The following PDE4B variants were observed in gnomAD, a reference collection of about 807,000 sequenced individuals.
The protein encoded by PDE4B is 3',5'-cyclic-AMP phosphodiesterase 4B.
In PDE4B, 20 loss-of-function variants were observed where a neutral mutation model predicts 82.2. The ratio of observed to expected loss-of-function variants is 0.24; its 90% CI spans 0.17 to 0.35. PDE4B has a LOEUF of 0.35. Among genes scored for constraint, PDE4B ranks in the 10% least tolerant of loss-of-function variants. PDE4B has a pLI of 1.00. For missense variants in PDE4B, 655 were observed against 907.2 expected (o/e 0.72, Z 3.57); for synonymous variants, 320 against 318.9 (o/e 1.00, Z -0.04).
chr1:66,186,326 T>G (rs1016470825), intron 3 of PDE4B, among the ~76,000 whole-genome samples: 1 of 152,202 alleles, frequency 6.6e-6, no homozygotes, highest in Admixed American at 6.5e-5. Flanking sequence ...GGGCCCTTTT[T>G]TGGTTCCATA....
intron 7 of PDE4B, among the ~76,000 whole-genome samples, chr1:66,301,309 C>T (rs1241264557): frequency 6.6e-6 from 1 of 152,146 alleles, no homozygotes; most frequent in African/African-American, 2.4e-5. Context: ...CCTGTATTCT[C>T]AGCCCTGTAA....
At chr1:66,170,276 T>G (rs1026804836) in intron 3 of PDE4B, among the ~76,000 whole-genome samples, 3 of 152,192 alleles carry the variant, frequency 2.0e-5, no homozygotes, top group African/African-American at 7.2e-5. Context: ...CACTGAATAA[T>G]GAGAAATTTT....
chr1:66,027,599 A>T (rs1473485348), intron 3 of PDE4B, among the ~76,000 whole-genome samples: 1 of 152,224 alleles, frequency 6.6e-6, no homozygotes, highest in Non-Finnish European at 1.5e-5. Context: ...AGACAAGGCA[A>T]GTCCCTTCCA....
At chr1:66,244,922 A>G (rs1027804286) in intron 3 of PDE4B, among the ~76,000 whole-genome samples, 1 of 152,194 alleles carries the variant, frequency 6.6e-6, no homozygotes, top group Non-Finnish European at 1.5e-5. Context: ...AATGCCTATG[A>G]CACTCATTTT....
At chr1:65,832,284 G>T (rs1391440923) in intron 1 of PDE4B, among the ~76,000 whole-genome samples, 1 of 152,192 alleles carries the variant, frequency 6.6e-6, no homozygotes, top group Non-Finnish European at 1.5e-5. Context: ...AGATCTGGAA[G>T]TTGAACAGCT....
At chr1:66,316,061 C>G (rs1659007004) in intron 7 of PDE4B, among the ~76,000 whole-genome samples, 1 of 152,188 alleles carries the variant, frequency 6.6e-6, no homozygotes, top group Admixed American at 6.5e-5. Flanking sequence ...ATCCAAACTA[C>G]AACTATTTGA....
intron 3 of PDE4B, among the ~76,000 whole-genome samples, chr1:66,188,426 A>G (rs1201104773): frequency 4.6e-5 from 7 of 151,968 alleles, no homozygotes; most frequent in Non-Finnish European, 1.0e-4. Flanking sequence ...TCTAATGTTG[A>G]CAGTGGGGTG....
chr1:66,342,746 A>G (rs1259360441), intron 8 of PDE4B, among the ~76,000 whole-genome samples: 1 of 147,320 alleles, frequency 6.8e-6, no homozygotes, highest in Admixed American at 6.7e-5. Flanking sequence ...AAAAAAAACA[A>G]AACAAAGCTA....
At chr1:66,174,809 G>C (rs937141783) in intron 3 of PDE4B, among the ~76,000 whole-genome samples, 1 of 151,596 alleles carries the variant, frequency 6.6e-6, no homozygotes, top group Non-Finnish European at 1.5e-5. Flanking sequence ...CCTGAGACTG[G>C]GTAATTTATA....
At chr1:66,098,551 C>G (rs1645160283) in intron 3 of PDE4B, among the ~76,000 whole-genome samples, 1 of 152,080 alleles carries the variant, frequency 6.6e-6, no homozygotes, top group African/African-American at 2.4e-5. Context: ...ACATATGCAG[C>G]CTGAGTTTTT....
At chr1:66,160,167 T>C (rs929213891) in intron 3 of PDE4B, among the ~76,000 whole-genome samples, 2 of 152,158 alleles carry the variant, frequency 1.3e-5, no homozygotes, top group African/African-American at 4.8e-5. Context: ...CATGCCAATG[T>C]CCCACGGTGT....
chr1:66,087,729 G>A (rs1371676250), intron 3 of PDE4B, among the ~76,000 whole-genome samples: 1 of 151,930 alleles, frequency 6.6e-6, no homozygotes, highest in Non-Finnish European at 1.5e-5. Context: ...GGACGTGGAT[G>A]AAATTGGAAG....
At chr1:65,967,000 C>T (rs1303852413) in intron 3 of PDE4B, among the ~76,000 whole-genome samples, 1 of 152,114 alleles carries the variant, frequency 6.6e-6, no homozygotes, top group African/African-American at 2.4e-5. Flanking sequence ...GACTAAAACA[C>T]CAAAAGCAAT....
At chr1:66,104,001 A>G (rs567069864) in intron 3 of PDE4B, among the ~76,000 whole-genome samples, 1 of 152,126 alleles carries the variant, frequency 6.6e-6, no homozygotes, top group South Asian at 2.1e-4. Context: ...GGTTAGTTAC[A>G]TATGTATACA....
intron 1 of PDE4B, among the ~76,000 whole-genome samples, chr1:65,910,320 T>C (rs1218186497): frequency 6.6e-6 from 1 of 152,194 alleles, no homozygotes; most frequent in Admixed American, 6.5e-5. Context: ...GAGATAATGC[T>C]TGCCGACCTT....
At chr1:66,095,121 A>G (rs1645090128) in intron 3 of PDE4B, among the ~76,000 whole-genome samples, 1 of 151,896 alleles carries the variant, frequency 6.6e-6, no homozygotes, top group Admixed American at 6.6e-5. Flanking sequence ...AGCATCATTC[A>G]TCTTGGTGAA....
intron 1 of PDE4B, among the ~76,000 whole-genome samples, chr1:65,893,636 A>T (rs1301553082): frequency 6.6e-6 from 1 of 152,110 alleles, no homozygotes; most frequent in Non-Finnish European, 1.5e-5. Context: ...CAGCAGTCCC[A>T]CTACTGGATA....
chr1:66,253,138 A>C (rs1653919177), intron 4 of PDE4B, among the ~76,000 whole-genome samples: 1 of 152,224 alleles, frequency 6.6e-6, no homozygotes, highest in Non-Finnish European at 1.5e-5. Flanking sequence ...TTGACAGGTA[A>C]AAATGTTGAG....
chr1:66,189,877 G>A (rs1647595307), intron 3 of PDE4B, among the ~76,000 whole-genome samples: 1 of 152,196 alleles, frequency 6.6e-6, no homozygotes, highest in African/African-American at 2.4e-5. Flanking sequence ...TTGCTGGTGA[G>A]GAGCTGCATT....
Sources: allele counts gnomAD v4.1 joint callset (sites outside exome capture counted in the v4.1 genomes callset), GRCh38; gene constraint gnomAD v4.1.1; transcripts MANE v1.5; gene names NCBI Gene and HGNC (gene_info 2026-07-23, HGNC 2026-07-21).